PRKD1: variants seen among roughly 807,000 people sequenced by gnomAD.
PRKD1 encodes the protein serine/threonine-protein kinase D1.
Under a neutral mutation model 95.9 loss-of-function variants are expected in PRKD1, and 63 were observed. The observed-to-expected ratio is 0.66, with a 90% CI of 0.54 to 0.81. PRKD1 has a LOEUF of 0.81. Ranked by LOEUF, PRKD1 falls within the 30% of genes least tolerant of loss-of-function variation. The pLI is 0.00. For synonymous variants in PRKD1, 425 were observed against 423.1 expected (o/e 1.00, Z -0.05); for missense variants, 1,048 against 1,165.3 (o/e 0.90, Z 1.47).
intron 1 of PRKD1, among the ~76,000 whole-genome samples, chr14:29,766,030 T>C (rs1165443535): frequency 6.6e-6 from 1 of 151,976 alleles, no homozygotes; most frequent in Non-Finnish European, 1.5e-5. Flanking sequence ...ATGTTATATT[T>C]CACAGTGAAA....
intron 2 of PRKD1, among the ~76,000 whole-genome samples, chr14:29,679,597 C>G (rs1024897977): frequency 6.6e-6 from 1 of 151,784 alleles, no homozygotes; most frequent in African/African-American, 2.4e-5. Context: ...CAAGACAGGT[C>G]AAGTAAACTA....
intron 1 of PRKD1, among the ~76,000 whole-genome samples, chr14:29,904,041 C>T (rs981178070): frequency 6.6e-6 from 1 of 152,058 alleles, no homozygotes; most frequent in African/African-American, 2.4e-5. Context: ...AACTTGGAAA[C>T]ATTTGGCAAC....
chr14:29,632,875 G>C lies in PRKD1; in HGVS notation c.1386C>G (p.Tyr462Ter), dbSNP rs758993251. Residue 462 changes from tyrosine to a stop codon, truncating the protein, a stop_gained, in exon 9 of 18, where the codon TAC becomes TAG. Transcript: ENST00000331968. LOFTEE classifies it high-confidence loss of function. ...TLFQNDTGSRYYKEIPLSEIL... is the reference protein window; with the variant it reads ...TLFQNDTGSR ...AGAAAGAGCCCACTCTTACCTTGTA[G>C]TACCTGCTTCCTGTGTCATTCTGAA... 1 of 1,610,792 alleles carries C rather than the reference G, an allele frequency of 6.2e-7. No individual in the cohort carries two copies. Among genetic ancestry groups the C allele is most frequent in the Non-Finnish European group, 8.5e-7 (1 of 1,176,972 alleles).
intron 17 of PRKD1, among the ~76,000 whole-genome samples, chr14:29,577,734 A>C (rs976151939): frequency 6.6e-6 from 1 of 152,204 alleles, no homozygotes; most frequent in Admixed American, 6.5e-5. Flanking sequence ...ATTCCTTTGA[A>C]ATTTAATGCC....
At chr14:29,658,795 T>C (rs927938034) in intron 4 of PRKD1, among the ~76,000 whole-genome samples, 7 of 152,240 alleles carry the variant, frequency 4.6e-5, no homozygotes, top group Non-Finnish European at 7.3e-5. Context: ...ATGTGGCATA[T>C]TACTTTTAAT....
chr14:29,879,641 A>T (rs796162852), intron 1 of PRKD1, among the ~76,000 whole-genome samples: 8 of 152,282 alleles, frequency 5.3e-5, no homozygotes, highest in African/African-American at 1.7e-4. Context: ...TGGGTAAGAG[A>T]CATAGGTTGG....
chr14:29,893,383 A>C (rs1443120752), intron 1 of PRKD1, among the ~76,000 whole-genome samples: 1 of 145,446 alleles, frequency 6.9e-6, no homozygotes, highest in African/African-American at 2.6e-5. Context: ...ATAAAAAGTT[A>C]TTTATAATAG....
At chr14:29,858,890 T>C (rs1482056704) in intron 1 of PRKD1, among the ~76,000 whole-genome samples, 1 of 152,194 alleles carries the variant, frequency 6.6e-6, no homozygotes, top group Non-Finnish European at 1.5e-5. Context: ...ATTGCACCTA[T>C]AAGTGTCTGT....
At chr14:29,779,700 T>C (rs901522549) in intron 1 of PRKD1, among the ~76,000 whole-genome samples, 1 of 152,100 alleles carries the variant, frequency 6.6e-6, no homozygotes, top group Non-Finnish European at 1.5e-5. Context: ...ATCGTGAAAA[T>C]GGCCATACTG....
chr14:29,708,873 A>C (rs536857596), intron 2 of PRKD1, among the ~76,000 whole-genome samples: 2 of 152,286 alleles, frequency 1.3e-5, no homozygotes, highest in South Asian at 4.1e-4. Context: ...AAAAACAAAC[A>C]AACAAAACTT....
chr14:29,607,754 C>T (rs946965405), intron 13 of PRKD1, among the ~76,000 whole-genome samples: 4 of 152,166 alleles, frequency 2.6e-5, no homozygotes, highest in African/African-American at 7.2e-5. Flanking sequence ...ATAATCCAAA[C>T]GACTCTTCCT....
In PRKD1 at chr14:29,684,453, A is replaced by G. The variant is rs147566965; in HGVS notation, c.404-18245T>C. ...ATTTAAGTCTATTGTTCTTTTCTGAACTAAATAGCTATCTCCTTCAGACAT... is the reference window on the plus strand; with the variant it reads ...ATTTAAGTCTATTGTTCTTTTCTGAGCTAAATAGCTATCTCCTTCAGACAT... On this transcript the variant is annotated intron_variant, in intron 2 of 17. Coordinates refer to ENST00000331968, the MANE Select transcript of PRKD1 (RefSeq NM_002742.3). 6.6e-5 allele frequency among the ~76,000 whole-genome samples: 10 copies of G among 152,288 alleles called. No homozygotes were observed. In the East Asian group the frequency reaches 1.7e-3, roughly 26 times the overall value.
intron 1 of PRKD1, among the ~76,000 whole-genome samples, chr14:29,792,291 A>C (rs1038178581): frequency 3.3e-5 from 5 of 152,146 alleles, no homozygotes; most frequent in Admixed American, 1.3e-4. Flanking sequence ...AGTTAGTTTT[A>C]ATCTCAAGAA....
chr14:29,823,936 T>G (rs950581630), intron 1 of PRKD1, among the ~76,000 whole-genome samples: 31 of 152,186 alleles, frequency 2.0e-4, no homozygotes, highest in African/African-American at 7.2e-4. Flanking sequence ...AAATGTTCAA[T>G]TTGAGAACTC....
Position 29,666,104 on chromosome 14 carries a change from G to A in PRKD1, c.508C>T (p.Leu170=), listed in dbSNP as rs974442016. The change falls in exon 3 of 18, where the codon CTG becomes TTG. Residue 170 remains leucine (L), a synonymous_variant. Coordinates refer to ENST00000331968, the MANE Select transcript of PRKD1 (RefSeq NM_002742.3). ...TCACATTTAAGACCTTGACGTACCA[G>A]CCCCCACAGCATTTCTCCACAGTGA... ...CDHCGEMLWG[L]VRQGLKCEGC... 1.9e-6 allele frequency: 3 copies of A among 1,596,470 alleles called. No homozygotes were observed. The African/African-American group carries it at 4.0e-5, about 21-fold the overall frequency.
At chr14:29,589,678 T>C (rs1181795543) in intron 16 of PRKD1, among the ~76,000 whole-genome samples, 2 of 152,054 alleles carry the variant, frequency 1.3e-5, no homozygotes, top group Non-Finnish European at 2.9e-5. Context: ...CATGGAAGAA[T>C]TATAGTTCTA....
intron 1 of PRKD1, among the ~76,000 whole-genome samples, chr14:29,920,065 G>GAAGT (rs2139137126): frequency 7.8e-6 from 1 of 128,218 alleles, no homozygotes; most frequent in South Asian, 2.5e-4. Flanking sequence ...AGGAAGGAAG[G>GAAGT]AAAGAAGGAA....
chr14:29,746,570 T>C (rs1256592044), intron 1 of PRKD1, among the ~76,000 whole-genome samples: 1 of 151,830 alleles, frequency 6.6e-6, no homozygotes, highest in Non-Finnish European at 1.5e-5. Context: ...CCTCTACTCA[T>C]TAACATGTGA....
chr14:29,900,915 T>C (rs754927313), intron 1 of PRKD1, among the ~76,000 whole-genome samples: 14 of 152,314 alleles, frequency 9.2e-5, no homozygotes, highest in Non-Finnish European at 1.5e-4. Flanking sequence ...ATTCAGCCAC[T>C]GTGGAAAGCA....
Sources: allele counts gnomAD v4.1 joint callset (sites outside exome capture counted in the v4.1 genomes callset), GRCh38; gene constraint gnomAD v4.1.1; transcripts MANE v1.5; gene names NCBI Gene and HGNC (gene_info 2026-07-23, HGNC 2026-07-21).